SLC38A10: variants seen among roughly 807,000 people sequenced by gnomAD.
The protein encoded by SLC38A10 is solute carrier family 38 member 10.
Under a neutral mutation model 81.0 loss-of-function variants are expected in SLC38A10, and 53 were observed. The ratio of observed to expected loss-of-function variants is 0.65; its 90% CI spans 0.53 to 0.82. SLC38A10 has a LOEUF of 0.82. SLC38A10 is among the 40% of genes least tolerant of loss of function. The pLI is 0.00. For missense variants in SLC38A10, 1,471 were observed against 1,545.0 expected, an observed-to-expected ratio of 0.95 and a Z score of 0.80; for synonymous variants, 665 against 655.3, an observed-to-expected ratio of 1.01 and a Z score of -0.23.
At chr17:81,254,618 G>A (rs543973915) in intron 11 of SLC38A10, among the ~76,000 whole-genome samples, 1 of 152,270 alleles carries the variant, frequency 6.6e-6, no homozygotes, top group South Asian at 2.1e-4. Context: ...GCTGATTTTT[G>A]TATCTTTAGT....
intron 10 of SLC38A10, chr17:81,264,871 AGCAGG>A: frequency 1.3e-5 from 2 of 152,244 alleles, no homozygotes; most frequent in South Asian, 4.2e-4. Context: ...ATCTTCCAAG[AGCAGG>A]GGCCAGCTTT....
chr17:81,294,621 G>C (rs912724500), intron 1 of SLC38A10, among the ~76,000 whole-genome samples: 27 of 152,344 alleles, frequency 1.8e-4, no homozygotes, highest in African/African-American at 6.5e-4. Flanking sequence ...GACAAGGGCT[G>C]CCAGGGCCAA....
intron 6 of SLC38A10, chr17:81,279,824 G>A: frequency 5.9e-6 from 1 of 170,820 alleles, no homozygotes; most frequent in Middle Eastern, 2.7e-3. Context: ...CAGCAAGACT[G>A]GGGCGCGTTC....
rs561074629 is a variant in SLC38A10, at chr17:81,268,801, G to T, written c.1131+2117C>A. On this transcript the variant is annotated intron_variant, in intron 10 of 15. Coordinates refer to ENST00000374759, the MANE Select transcript of SLC38A10 (RefSeq NM_001037984.3). The stretch of plus-strand genomic sequence containing the variant: ...GTTGAAAGTTTTCCCTCAAAAATCA[G>T]TTATTATATTAACTGTAAATAGTCT... 3.9e-4 allele frequency among the ~76,000 whole-genome samples: 59 copies of T among 152,210 alleles called. 2 individuals carry two copies. In the South Asian group the frequency reaches 0.012, roughly 32 times the overall value.
chr17:81,245,722 G>A lies in SLC38A10; in HGVS notation c.3194C>T (p.Ala1065Val), dbSNP rs1041952531. The change falls in exon 16 of 16, where the codon GCC (alanine) becomes GTC (valine). Residue 1065 changes from alanine (A) to valine (V), a missense_variant. Coordinates refer to ENST00000374759, the MANE Select transcript of SLC38A10 (RefSeq NM_001037984.3). ...DLGPHAEGQLAPRDGVIIGLN... is the reference protein window; with the variant it reads ...DLGPHAEGQLVPRDGVIIGLN... Reference sequence around the variant, plus strand: ...GCCAATGATGACCCCATCCCTCGGGGCCAGCTGACCCTCTGCATGAGGGCC... The same window carrying A: ...GCCAATGATGACCCCATCCCTCGGGACCAGCTGACCCTCTGCATGAGGGCC... 1.9e-6 allele frequency: 3 copies of A among 1,599,152 alleles called. No homozygotes were observed. Among genetic ancestry groups the A allele is most frequent in the African/African-American group, 1.3e-5 (1 of 74,842 alleles).
In SLC38A10 at chr17:81,270,580, G is replaced by A. The variant is rs1299882134; in HGVS notation, c.1131+338C>T. 6.6e-6 allele frequency among the ~76,000 whole-genome samples: 1 copy of A among 152,144 alleles called. No individual in the cohort carries two copies. Among genetic ancestry groups the A allele is most frequent in the Non-Finnish European group, 1.5e-5 (1 of 68,018 alleles). ...CGGTGGGTGGTGGCCTCAGGGGTGG[G>A]CGGCTGGGGAGGGGACTCAGAGGTG... On this transcript the variant is annotated intron_variant, in intron 10 of 15. Transcript: ENST00000374759. The surrounding 1 kb of genome is among the most constrained non-coding windows in gnomAD (Gnocchi z 4.0).
rs865935626 is a variant in SLC38A10, at chr17:81,277,540, C to T, written c.627-407G>A. Among the ~76,000 whole-genome samples the T allele has an allele frequency of 1.1e-4, 16 of 152,082 alleles. No homozygotes were observed. The highest frequency in any genetic ancestry group is 3.4e-4 in the African/African-American group (14 of 41,430). ...GGCCTGGGCGGCCGGCCCATCTCGG[C>T]GCCTCCATCTCGGCGCCTCCGCACA... On this transcript the variant is annotated intron_variant, in intron 6 of 15. Transcript: ENST00000374759. This position sits in a 1 kb window ranked among gnomAD's most constrained non-coding sequence, Gnocchi z 4.5.
rs747280345 is a variant in SLC38A10 at position 81,271,056 on chromosome 17, T to G, written c.1025-32A>C. The G allele has an allele frequency of 1.5e-5, 23 of 1,572,264 alleles. No individual in the cohort carries two copies. The South Asian group carries it at 2.5e-4, about 17-fold the overall frequency. On this transcript the variant is annotated intron_variant, in intron 9 of 15. Coordinates refer to ENST00000374759, the MANE Select transcript of SLC38A10 (RefSeq NM_001037984.3). Reference sequence around the variant, plus strand: ...TGGAGAAGTGACAGGAAGGGATGAGTGGGGAAGGGCTCTGGGAAGGAGGGG... The same window carrying G: ...TGGAGAAGTGACAGGAAGGGATGAGGGGGGAAGGGCTCTGGGAAGGAGGGG...
In SLC38A10 at chr17:81,260,360, A is replaced by G. The variant is rs2063010934; in HGVS notation, c.1166T>C (p.Val389Ala). Residue 389 changes from valine (V) to alanine (A), a missense_variant, in exon 11 of 16, where the codon GTG becomes GCG. Physicochemically the swap from Val to Ala is moderately conservative, Grantham distance 64. Around this residue, in one of 2 missense-constraint regions of SLC38A10, gnomAD observed 720 missense variants for 827.7 expected, o/e 0.87. Transcript: ENST00000374759. ...CACAGACAGTGTGGTGACAGTGCTC[A>G]CCACCAGGACGCCCAGGCCGACCCA... ...VLWVGLGVLVVSTVTTLSVSE... is the reference protein window; with the variant it reads ...VLWVGLGVLVASTVTTLSVSE... The G allele has an allele frequency of 6.2e-7, 1 of 1,611,106 alleles. No homozygotes were observed. The highest frequency in any genetic ancestry group is 1.7e-5 in the Admixed American group (1 of 59,770).
intron 5 of SLC38A10, 36 bp downstream of exon 5, chr17:81,282,153 C>A (rs573678711): frequency 1.9e-6 from 3 of 1,609,178 alleles, no homozygotes; most frequent in Non-Finnish European, 2.6e-6. Flanking sequence ...CCAGGAGCAG[C>A]CTTTCAGCGG....
rs1183047136 is a variant in SLC38A10 at position 81,265,927 on chromosome 17, A to T, written c.1131+4991T>A. ...TCTCCGTCTCCTCCACGCACAGCCA[A>T]ACTGCGGTGAATGTGATTCAGTGCG... On this transcript the variant is annotated intron_variant, in intron 10 of 15. Coordinates refer to ENST00000374759, the MANE Select transcript of SLC38A10 (RefSeq NM_001037984.3). The surrounding 1 kb of genome is among the most constrained non-coding windows in gnomAD (Gnocchi z 4.2). Among the ~76,000 whole-genome samples, 1 of 152,242 alleles carries T rather than the reference A, an allele frequency of 6.6e-6. No individual in the cohort carries two copies. Among genetic ancestry groups the T allele is most frequent in the East Asian group, 1.9e-4 (1 of 5,202 alleles).
chr17:81,257,746 CT>C (rs1475243095), intron 11 of SLC38A10, among the ~76,000 whole-genome samples: 3 of 152,276 alleles, frequency 2.0e-5, no homozygotes, highest in African/African-American at 7.2e-5. Context: ...TGGGTCCCTT[CT>C]CAGCCAGGCC....
intron 14 of SLC38A10, chr17:81,251,114 C>T: frequency 6.6e-7 from 1 of 1,508,778 alleles, no homozygotes; most frequent in Non-Finnish European, 8.9e-7. Context: ...GGCACGCCCA[C>T]ACCTGGCTGG....
chr17:81,267,426 T>C (rs1188178671), intron 10 of SLC38A10, among the ~76,000 whole-genome samples: 1 of 152,160 alleles, frequency 6.6e-6, no homozygotes, highest in Non-Finnish European at 1.5e-5. Flanking sequence ...TCTTTTAAAA[T>C]AGTACTGGAG....
At chr17:81,260,489 G>A in intron 10 of SLC38A10, 95 bp from the exon 11 acceptor site, 1 of 1,441,892 alleles carries the variant, frequency 6.9e-7, no homozygotes, top group Non-Finnish European at 9.2e-7. Context: ...TCAGGGACGG[G>A]GTGAGGCACG....
intron 11 of SLC38A10, among the ~76,000 whole-genome samples, chr17:81,259,374 C>G (rs2063000803): frequency 6.6e-6 from 1 of 152,220 alleles, no homozygotes; most frequent in Admixed American, 6.5e-5. Context: ...ATGGTCGGCA[C>G]ACGGGCAGTG....
intron 8 of SLC38A10, among the ~76,000 whole-genome samples, chr17:81,274,552 C>T (rs565124410): frequency 6.2e-4 from 95 of 152,290 alleles, no homozygotes; most frequent in Non-Finnish European, 1.0e-3. Context: ...TCTCAGGCTG[C>T]GGGACAGAAG....
rs938085695 is a variant in SLC38A10, at chr17:81,270,549, G to A, written c.1131+369C>T. On this transcript the variant is annotated intron_variant, in intron 10 of 15. Coordinates refer to ENST00000374759, the MANE Select transcript of SLC38A10 (RefSeq NM_001037984.3). The surrounding 1 kb of genome is among the most constrained non-coding windows in gnomAD (Gnocchi z 4.0). Reference sequence around the variant, plus strand: ...CATCTCCGTGGGAGGGTCGCACCAGGAACAACGGTGGGTGGTGGCCTCAGG... The same window carrying A: ...CATCTCCGTGGGAGGGTCGCACCAGAAACAACGGTGGGTGGTGGCCTCAGG... Among the ~76,000 whole-genome samples the A allele has an allele frequency of 1.3e-5, 2 of 151,940 alleles. No homozygotes were observed. Among genetic ancestry groups the A allele is most frequent in the African/African-American group, 4.8e-5 (2 of 41,400 alleles).
intron 13 of SLC38A10, 105 bp from the exon 14 acceptor site, chr17:81,251,717 G>A: frequency 8.0e-7 from 1 of 1,253,754 alleles, no homozygotes; most frequent in Non-Finnish European, 1.0e-6. Context: ...AGTGGCAGAT[G>A]TTTCTAAAGT....
Sources: gnomAD v4.1 joint callset for allele counts (sites outside exome capture counted in the v4.1 genomes callset) on GRCh38, gnomAD v4.1.1 for gene constraint, gnomAD v4.1.1 regional missense constraint, Gnocchi (gnomAD v3.1) non-coding constraint, MANE v1.5 for transcripts, NCBI Gene and HGNC (gene_info 2026-07-23, HGNC 2026-07-21) for gene names.